PHLDB2: variants seen among roughly 807,000 people sequenced by gnomAD.
The protein encoded by PHLDB2 is pleckstrin homology-like domain family B member 2.
A neutral mutation model predicts 123.6 loss-of-function variants in PHLDB2; 71 were observed. The ratio of observed to expected loss-of-function variants is 0.57; its 90% CI spans 0.47 to 0.70. PHLDB2 has a LOEUF of 0.70. Ranked by LOEUF, PHLDB2 falls within the 30% of genes least tolerant of loss-of-function variation. PHLDB2 has a pLI of 0.00. For missense variants in PHLDB2, 1,446 were observed against 1,519.5 expected, an observed-to-expected ratio of 0.95 and a Z score of 0.80; for synonymous variants, 547 against 541.6, an observed-to-expected ratio of 1.01 and a Z score of -0.14.
intron 2 of PHLDB2, among the ~76,000 whole-genome samples, chr3:111,889,416 G>A (rs1388237310): frequency 6.6e-6 from 1 of 151,544 alleles, no homozygotes; most frequent in African/African-American, 2.4e-5. Flanking sequence ...AGAGAGCACA[G>A]TTAGGCTGGG....
chr3:111,960,181 G>A (rs2071310304), intron 12 of PHLDB2: 1 of 873,376 alleles, frequency 1.1e-6, no homozygotes, highest in African/African-American at 1.8e-5. Context: ...AGTATCAAAG[G>A]TAAATATTTG....
intron 1 of PHLDB2, among the ~76,000 whole-genome samples, chr3:111,752,983 AT>A (rs1052309606): frequency 2.0e-5 from 3 of 151,776 alleles, no homozygotes; most frequent in Non-Finnish European, 2.9e-5. Flanking sequence ...TGAACTCATC[AT>A]TTTTTTTGGC....
At chr3:111,830,305 G>A (rs967489186) in intron 1 of PHLDB2, among the ~76,000 whole-genome samples, 1 of 152,146 alleles carries the variant, frequency 6.6e-6, no homozygotes, top group Non-Finnish European at 1.5e-5. Flanking sequence ...CAGGGAAACT[G>A]AGGCTGGTAT....
chr3:111,945,190 C>T (rs926254593), intron 8 of PHLDB2, 78 bp from the exon 9 acceptor site: 2 of 927,578 alleles, frequency 2.2e-6, no homozygotes, highest in South Asian at 2.9e-5. Flanking sequence ...TGATGTTAGT[C>T]TCTAATGCAA....
chr3:111,806,628 G>A (rs557863181), intron 1 of PHLDB2, among the ~76,000 whole-genome samples: 149 of 151,964 alleles, frequency 9.8e-4, no homozygotes, highest in Non-Finnish European at 1.7e-3. Flanking sequence ...TGGGACTATA[G>A]GCACGAGCCA....
chr3:111,816,391 G>A (rs754295090), intron 1 of PHLDB2, among the ~76,000 whole-genome samples: 1 of 152,342 alleles, frequency 6.6e-6, no homozygotes, highest in African/African-American at 2.4e-5. Flanking sequence ...AGCCATAGGG[G>A]CAGAGCTTCC....
At chr3:111,777,002 A>G (rs1269505869) in intron 1 of PHLDB2, among the ~76,000 whole-genome samples, 2 of 152,068 alleles carry the variant, frequency 1.3e-5, no homozygotes, top group Non-Finnish European at 2.9e-5. Context: ...AAGGCCACCA[A>G]TCAGCATAAA....
intron 16 of PHLDB2, among the ~76,000 whole-genome samples, chr3:111,972,490 T>C (rs2107696400): frequency 6.6e-6 from 1 of 150,430 alleles, no homozygotes; most frequent in African/African-American, 2.4e-5. Context: ...ATTTGTATGA[T>C]GAAAGTAAGT....
intron 1 of PHLDB2, among the ~76,000 whole-genome samples, chr3:111,875,284 G>T (rs1016858065): frequency 2.6e-5 from 4 of 151,848 alleles, no homozygotes; most frequent in African/African-American, 9.7e-5. Context: ...AAGTAGCTGG[G>T]ATTACAGGCA....
intron 6 of PHLDB2, among the ~76,000 whole-genome samples, chr3:111,933,790 A>C (rs2069282500): frequency 6.6e-6 from 1 of 152,160 alleles, no homozygotes; most frequent in Non-Finnish European, 1.5e-5. Context: ...GATTTTTTTT[A>C]CATTTGCTTA....
chr3:111,912,405 T>C (rs2067937754), intron 2 of PHLDB2, among the ~76,000 whole-genome samples: 1 of 152,322 alleles, frequency 6.6e-6, no homozygotes, highest in Admixed American at 6.5e-5. Flanking sequence ...TCTAGCTAAA[T>C]TAATCAAAGA....
chr3:111,954,127 G>A, intron 12 of PHLDB2, 98 bp downstream of exon 12: 1 of 1,106,272 alleles, frequency 9.0e-7, no homozygotes, highest in Admixed American at 2.3e-5. Flanking sequence ...ATTAGAGGAG[G>A]GATCAACCAA....
At chr3:111,736,032 C>G (rs1303127758) in intron 1 of PHLDB2, among the ~76,000 whole-genome samples, 4 of 152,152 alleles carry the variant, frequency 2.6e-5, no homozygotes, top group Admixed American at 2.6e-4. Flanking sequence ...TTTATTCCCC[C>G]TTCCCACTCA....
intron 8 of PHLDB2, among the ~76,000 whole-genome samples, chr3:111,944,947 C>T (rs1193364228): frequency 6.6e-6 from 1 of 152,172 alleles, no homozygotes; most frequent in Non-Finnish European, 1.5e-5. Flanking sequence ...CTGGGGATTA[C>T]AGGCGTGAGC....
Position 111,912,177 on chromosome 3 carries a change from T to C in PHLDB2, c.1336-1142T>C, listed in dbSNP as rs528013554. ...TTGGAATTAACATGAAAGGTAAAGATGTTGAGATTTCCTACCTCAAGCAAT... is the reference window on the plus strand; with the variant it reads ...TTGGAATTAACATGAAAGGTAAAGACGTTGAGATTTCCTACCTCAAGCAAT... On this transcript the variant is annotated intron_variant, in intron 2 of 17. Transcript: ENST00000431670. Among the ~76,000 whole-genome samples, 7 of 152,350 alleles carry C rather than the reference T, an allele frequency of 4.6e-5. No individual in the cohort carries two copies. In the East Asian group the frequency reaches 1.2e-3, roughly 25 times the overall value.
chr3:111,844,807 C>T (rs1313760820), intron 1 of PHLDB2, among the ~76,000 whole-genome samples: 3 of 152,122 alleles, frequency 2.0e-5, no homozygotes, highest in African/African-American at 4.8e-5. Flanking sequence ...TCTCTGGCTC[C>T]TCATTTGTTA....
At chr3:111,743,998 A>C (rs991053394) in intron 1 of PHLDB2, among the ~76,000 whole-genome samples, 4 of 152,240 alleles carry the variant, frequency 2.6e-5, no homozygotes, top group Non-Finnish European at 5.9e-5. Flanking sequence ...CAAATGCTTA[A>C]ACAAAGGTAA....
At chr3:111,912,904 A>T (rs934019529) in intron 2 of PHLDB2, among the ~76,000 whole-genome samples, 1 of 152,210 alleles carries the variant, frequency 6.6e-6, no homozygotes, top group Non-Finnish European at 1.5e-5. Flanking sequence ...ACTGGACCCC[A>T]GGAGTTAAAT....
At chr3:111,752,603 G>A (rs978208338) in intron 1 of PHLDB2, among the ~76,000 whole-genome samples, 1 of 150,664 alleles carries the variant, frequency 6.6e-6, no homozygotes, top group Non-Finnish European at 1.5e-5. Flanking sequence ...GTTTTCATTC[G>A]GTTATTTTCT....
Sources: gnomAD v4.1 joint callset for allele counts (sites outside exome capture counted in the v4.1 genomes callset) on GRCh38, gnomAD v4.1.1 for gene constraint, MANE v1.5 for transcripts, NCBI Gene and HGNC (gene_info 2026-07-23, HGNC 2026-07-21) for gene names.